Variants in FAM241A observed in about 807,000 individuals in gnomAD.
FAM241A encodes family with sequence similarity 241 member A.
Under a neutral mutation model 12.2 loss-of-function variants are expected in FAM241A, and 7 were observed. That is an observed-to-expected ratio of 0.58 (90% confidence interval 0.33 to 1.08). FAM241A has a LOEUF of 1.08. Among genes scored for constraint, FAM241A ranks in the 50% least tolerant of loss-of-function variants. FAM241A has a pLI of 0.04. For missense variants in FAM241A, 161 were observed against 169.7 expected (o/e 0.95, Z 0.29); for synonymous variants, 74 against 68.2 (o/e 1.08, Z -0.42).
Position 112,187,016 on chromosome 4 carries a change from A to G in FAM241A, c.*78A>G. On this transcript the variant is annotated 3_prime_UTR_variant, in exon 2 of 2. Transcript: ENST00000309733. ...GAAGTTATATATTTCACTTTTTGAC[A>G]ACCGAAAAAGTTTGCCTTGTTTCAA... is the stretch of plus-strand genomic sequence containing the variant. 2 of 1,507,638 alleles carry G rather than the reference A, an allele frequency of 1.3e-6. No homozygotes were observed. The highest frequency in any genetic ancestry group is 2.7e-5 in the South Asian group (2 of 75,012). 93.4% of individuals were successfully genotyped at this position (1,507,638 alleles called of 1,614,324 possible).
chr4:112,168,036 C>T (rs535553204), intron 1 of FAM241A, among the ~76,000 whole-genome samples: 68 of 152,310 alleles, frequency 4.5e-4, no homozygotes, highest in African/African-American at 1.5e-3. Flanking sequence ...AATGCAGGTG[C>T]AAAACTTGCT....
intron 1 of FAM241A, among the ~76,000 whole-genome samples, chr4:112,162,737 A>G: frequency 6.6e-6 from 1 of 152,224 alleles, no homozygotes. Flanking sequence ...ATACTGCCCA[A>G]GGTAATTTAT....
chr4:112,166,774 A>G (rs1723603372), intron 1 of FAM241A, among the ~76,000 whole-genome samples: 1 of 152,176 alleles, frequency 6.6e-6, no homozygotes, highest in Admixed American at 6.5e-5. Context: ...CTATAAGCAA[A>G]GGAAGATGGA....
At chr4:112,179,906 G>T (rs1441441538) in intron 1 of FAM241A, among the ~76,000 whole-genome samples, 1 of 69,322 alleles carries the variant, frequency 1.4e-5, no homozygotes, top group African/African-American at 6.9e-5. Flanking sequence ...ATTGCATAAA[G>T]AAAATGTGAT....
chr4:112,158,958 AC>A (rs911808245), intron 1 of FAM241A, among the ~76,000 whole-genome samples: 23 of 152,104 alleles, frequency 1.5e-4, no homozygotes, highest in African/African-American at 5.3e-4. Flanking sequence ...GTGCTTTATC[AC>A]CCCTTTTCCC....
In FAM241A at chr4:112,187,111, A is replaced by T; in HGVS notation, c.*173A>T. ...ACTTAAAACTAAACTCTTGATCATA[A>T]CAGGGTTGAATATATATTTTGAATA... On this transcript the variant is annotated 3_prime_UTR_variant, in exon 2 of 2. Transcript: ENST00000309733. 1 of 664,818 alleles carries T rather than the reference A, an allele frequency of 1.5e-6. No individual in the cohort carries two copies. The highest frequency in any genetic ancestry group is 1.8e-5 in the African/African-American group (1 of 55,164). The allele number at this position is 664,818 out of a possible 1,614,324, so 41.2% of individuals were successfully genotyped here. A position where few individuals can be genotyped will look rare whatever the true frequency, so the allele number is the denominator to read the frequency against.
At chr4:112,145,908 G>C (rs1441687716) in intron 1 of FAM241A, among the ~76,000 whole-genome samples, 175 bp downstream of exon 1, 1 of 151,636 alleles carries the variant, frequency 6.6e-6, no homozygotes, top group Non-Finnish European at 1.5e-5. Context: ...GGCGCTCCCA[G>C]GAGGAGCGGC....
chr4:112,185,116 G>A (rs1295201417), intron 1 of FAM241A, among the ~76,000 whole-genome samples: 1 of 152,078 alleles, frequency 6.6e-6, no homozygotes, highest in Non-Finnish European at 1.5e-5. Flanking sequence ...TCTCCATCAT[G>A]TACATACTAT....
intron 1 of FAM241A, 112 bp downstream of exon 1, chr4:112,145,845 G>A: frequency 5.0e-6 from 3 of 596,088 alleles, no homozygotes; most frequent in Non-Finnish European, 6.5e-6. Context: ...TCTGCCCCGC[G>A]TGGGCACTGG....
At chr4:112,162,110 C>T (rs1440638362) in intron 1 of FAM241A, among the ~76,000 whole-genome samples, 1 of 152,132 alleles carries the variant, frequency 6.6e-6, no homozygotes, top group Admixed American at 6.5e-5. Flanking sequence ...AATTCAACAA[C>T]CCTTCATGCT....
At chr4:112,180,262 C>G (rs923475135) in intron 1 of FAM241A, among the ~76,000 whole-genome samples, 8 of 152,050 alleles carry the variant, frequency 5.3e-5, no homozygotes, top group Non-Finnish European at 8.8e-5. Flanking sequence ...ACTATGCTCA[C>G]TGCCTGAGTG....
chr4:112,151,496 G>A lies in FAM241A; in HGVS notation c.153+5763G>A, dbSNP rs924703708. Among the ~76,000 whole-genome samples, 7 of 152,110 alleles carry A rather than the reference G, an allele frequency of 4.6e-5. No homozygotes were observed. The South Asian group carries it at 6.2e-4, about 14-fold the overall frequency. ...GTATTCCTCAACTTCAGTGTGCATA[G>A]GAATCATCTCTTATTAAATGCAGAT... is the stretch of plus-strand genomic sequence containing the variant. On this transcript the variant is annotated intron_variant, in intron 1 of 1. Transcript: ENST00000309733.
chr4:112,178,414 A>G (rs1355719462), intron 1 of FAM241A, among the ~76,000 whole-genome samples: 1 of 152,208 alleles, frequency 6.6e-6, no homozygotes, highest in Non-Finnish European at 1.5e-5. Context: ...ATTCTTCTGC[A>G]TATGACTAGC....
chr4:112,190,386 A>T lies in FAM241A; in HGVS notation c.*3448A>T, dbSNP rs923580068. 2.0e-5 allele frequency: 3 copies of T among 152,126 alleles called. No homozygotes were observed. The highest frequency in any genetic ancestry group is 2.9e-5 in the Non-Finnish European group (2 of 68,012). The allele number at this position is 152,126 out of a possible 1,614,324, so 9.4% of individuals were successfully genotyped here. On this transcript the variant is annotated 3_prime_UTR_variant, in exon 2 of 2. Coordinates refer to ENST00000309733, the MANE Select transcript of FAM241A (RefSeq NM_152400.3). ...CTTTACAATTGAAGGGAGAAAAAAAAATGTAAGACGGCCAGGCGCGGTGGC... is the reference window on the plus strand; with the variant it reads ...CTTTACAATTGAAGGGAGAAAAAAATATGTAAGACGGCCAGGCGCGGTGGC...
chr4:112,179,401 CT>C (rs1021348986), intron 1 of FAM241A, among the ~76,000 whole-genome samples: 5 of 152,098 alleles, frequency 3.3e-5, no homozygotes, highest in African/African-American at 9.7e-5. Flanking sequence ...AGTTCATGTG[CT>C]TTGTAGGGAC....
rs1249649713 is a variant in FAM241A, at chr4:112,188,288, T to G, written c.*1350T>G. On this transcript the variant is annotated 3_prime_UTR_variant, in exon 2 of 2. Transcript: ENST00000309733. ...CTTTGGTAGGGCAACAAGTAAAACA[T>G]GTAGAGTGCTTGCTATCCCACTTCA... 6.6e-6 allele frequency: 1 copy of G among 152,144 alleles called. No homozygotes were observed. The highest frequency in any genetic ancestry group is 2.4e-5 in the African/African-American group (1 of 41,452). 9.4% of individuals were successfully genotyped at this position (152,144 alleles called of 1,614,324 possible).
In FAM241A at chr4:112,145,507, GGC is replaced by G; in HGVS notation, c.-72_-71del. The stretch of plus-strand genomic sequence containing the variant: ...GCGGCGGATCCCAGGGCAGCCTTCG[GGC>G]GGCGGCGCTGCCTGGTGCGTCGCGG... On this transcript the variant is annotated 5_prime_UTR_variant, in exon 1 of 2. Coordinates refer to ENST00000309733, the MANE Select transcript of FAM241A (RefSeq NM_152400.3). 1 of 1,187,082 alleles carries G rather than the reference GGC, an allele frequency of 8.4e-7. No individual in the cohort carries two copies. Among genetic ancestry groups the G allele is most frequent in the African/African-American group, 1.6e-5 (1 of 62,828 alleles). The allele number at this position is 1,187,082 out of a possible 1,614,324, so 73.5% of individuals were successfully genotyped here.
At chr4:112,150,328 A>G (rs1331018397) in intron 1 of FAM241A, among the ~76,000 whole-genome samples, 5 of 152,070 alleles carry the variant, frequency 3.3e-5, no homozygotes, top group Admixed American at 1.3e-4. Context: ...GTTTCTAGCT[A>G]TTGGCTTTTA....
In FAM241A at chr4:112,193,027, A is replaced by G. The variant is rs1266485598; in HGVS notation, c.*6089A>G. ...GCACCTGTTGTTTCCTGACTTTTTA[A>G]TGATCGCCATTCTAACTGGTGTGAG... On this transcript the variant is annotated 3_prime_UTR_variant, in exon 2 of 2. Coordinates refer to ENST00000309733, the MANE Select transcript of FAM241A (RefSeq NM_152400.3). 1 of 149,988 alleles carries G rather than the reference A, an allele frequency of 6.7e-6. No homozygotes were observed. The highest frequency in any genetic ancestry group is 1.5e-5 in the Non-Finnish European group (1 of 67,510). 9.3% of individuals were successfully genotyped at this position (149,988 alleles called of 1,614,324 possible).
Sources: gnomAD v4.1 joint callset for allele counts (sites outside exome capture counted in the v4.1 genomes callset) on GRCh38, gnomAD v4.1.1 for gene constraint, MANE v1.5 for transcripts, NCBI Gene and HGNC (gene_info 2026-07-23, HGNC 2026-07-21) for gene names.